The following MAP2K6 variants were observed in gnomAD, a reference collection of about 807,000 sequenced individuals.
MAP2K6 encodes the protein dual specificity mitogen-activated protein kinase kinase 6.
Under a neutral mutation model 53.7 loss-of-function variants are expected in MAP2K6, and 16 were observed. The ratio of observed to expected loss-of-function variants is 0.30; its 90% CI spans 0.20 to 0.45. The LOEUF is 0.45. MAP2K6 is among the 20% of genes least tolerant of loss of function. The probability of loss-of-function intolerance (pLI) is 1.00; values close to 1 mark genes in which losing one functional copy is unlikely to be tolerated. For synonymous variants in MAP2K6, 132 were observed against 143.1 expected (o/e 0.92, Z 0.55); for missense variants, 204 against 411.9 (o/e 0.50, Z 4.37).
intron 1 of MAP2K6, among the ~76,000 whole-genome samples, chr17:69,470,536 A>G (rs759846338): frequency 6.6e-6 from 1 of 152,190 alleles, no homozygotes; most frequent in Non-Finnish European, 1.5e-5. Flanking sequence ...GATGGGAGGG[A>G]CATGCCCCCT....
In MAP2K6 at chr17:69,478,197, C is replaced by A. The variant is rs543656385; in HGVS notation, c.17-27583C>A. Among the ~76,000 whole-genome samples the A allele has an allele frequency of 2.6e-5, 4 of 152,276 alleles. No individual in the cohort carries two copies. The South Asian group carries it at 8.3e-4, about 32-fold the overall frequency. On this transcript the variant is annotated intron_variant, in intron 1 of 11. Coordinates refer to ENST00000590474, the MANE Select transcript of MAP2K6 (RefSeq NM_002758.4). ...AGTTTGAATTATACTTGGTAGGCAG[C>A]CTAGAAGGAGCTATAGACAACTTCT...
chr17:69,517,634 A>G lies in MAP2K6; in HGVS notation c.246+21A>G, dbSNP rs142583436. The G allele has an allele frequency of 3.5e-4, 538 of 1,543,160 alleles. 3 individuals carry two copies. In the African/African-American group the frequency reaches 6.6e-3, roughly 19 times the overall value. ...TGAAGGTAGAGTTGACATTCTCCCA[A>G]ATGTTTTATATCTGCTGTGTATACA... On this transcript the variant is annotated intron_variant, in intron 4 of 11. Transcript: ENST00000590474.
chr17:69,498,195 A>C (rs1008499839), intron 1 of MAP2K6, among the ~76,000 whole-genome samples: 19 of 152,226 alleles, frequency 1.2e-4, no homozygotes, highest in Non-Finnish European at 1.5e-5. Context: ...AATTCTTACT[A>C]ATCAGAAAGA....
intron 1 of MAP2K6, among the ~76,000 whole-genome samples, chr17:69,492,022 A>G (rs1380619885): frequency 1.3e-5 from 2 of 152,130 alleles, no homozygotes; most frequent in Non-Finnish European, 2.9e-5. Context: ...TTTCTTGTAA[A>G]TGTGTTTAAG....
intron 1 of MAP2K6, among the ~76,000 whole-genome samples, chr17:69,447,261 G>C (rs1906999309): frequency 6.6e-6 from 1 of 152,024 alleles, no homozygotes; most frequent in Non-Finnish European, 1.5e-5. Flanking sequence ...TTACAGGTGT[G>C]AGCCACCACG....
chr17:69,501,508 AT>A (rs968911488), intron 1 of MAP2K6, among the ~76,000 whole-genome samples: 3 of 151,626 alleles, frequency 2.0e-5, no homozygotes, highest in Non-Finnish European at 4.4e-5. Flanking sequence ...GGCTTTTTAA[AT>A]TTTTTTTTCC....
intron 2 of MAP2K6, among the ~76,000 whole-genome samples, chr17:69,508,504 A>G (rs1464323784): frequency 1.3e-5 from 2 of 151,962 alleles, no homozygotes; most frequent in East Asian, 3.8e-4. Context: ...GATACTTTTT[A>G]TTGTTTACTT....
intron 1 of MAP2K6, among the ~76,000 whole-genome samples, chr17:69,504,902 T>C (rs1182317251): frequency 1.3e-5 from 2 of 152,196 alleles, no homozygotes; most frequent in Non-Finnish European, 2.9e-5. Flanking sequence ...TAAGTATTAC[T>C]CTATCCCTCT....
chr17:69,545,235 A>G lies in MAP2K6; in HGVS notation c.*3482A>G, dbSNP rs1230701403. Reference sequence around the variant, plus strand: ...ACCAGAATAAGTGTAATCTCCCAAAATGACTACTTTGAAGGAGATAGAACC... The same window carrying G: ...ACCAGAATAAGTGTAATCTCCCAAAGTGACTACTTTGAAGGAGATAGAACC... On this transcript the variant is annotated 3_prime_UTR_variant, in exon 12 of 12. Coordinates refer to ENST00000590474, the MANE Select transcript of MAP2K6 (RefSeq NM_002758.4). 1.3e-5 allele frequency: 2 copies of G among 152,094 alleles called. No homozygotes were observed. The highest frequency in any genetic ancestry group is 1.5e-5 in the Non-Finnish European group (1 of 68,026). The allele number at this position is 152,094 out of a possible 1,614,324, so 9.4% of individuals were successfully genotyped here. A position where few individuals can be genotyped will look rare whatever the true frequency, so the allele number is the denominator to read the frequency against.
intron 2 of MAP2K6, among the ~76,000 whole-genome samples, chr17:69,507,278 G>A (rs1304963413): frequency 6.6e-6 from 1 of 152,124 alleles, no homozygotes; most frequent in Admixed American, 6.6e-5. Flanking sequence ...GATCAAGAAT[G>A]TGGCAGTAGT....
intron 2 of MAP2K6, among the ~76,000 whole-genome samples, chr17:69,506,359 G>A (rs966689098): frequency 6.6e-6 from 1 of 151,386 alleles, no homozygotes; most frequent in African/African-American, 2.4e-5. Context: ...AAGTCCTAGT[G>A]AAGGACATCG....
intron 1 of MAP2K6, among the ~76,000 whole-genome samples, chr17:69,491,306 G>C (rs1458394975): frequency 1.3e-5 from 2 of 152,082 alleles, no homozygotes; most frequent in Admixed American, 1.3e-4. Context: ...ACCACGCCCG[G>C]CTAATTTTTG....
rs576036808 is a variant in MAP2K6 at position 69,448,125 on chromosome 17, C to T, written c.16+33125C>T. Among the ~76,000 whole-genome samples, 33 of 152,282 alleles carry T rather than the reference C, an allele frequency of 2.2e-4. No individual in the cohort carries two copies. In the South Asian group the frequency reaches 3.9e-3, roughly 18 times the overall value. On this transcript the variant is annotated intron_variant, in intron 1 of 11. Coordinates refer to ENST00000590474, the MANE Select transcript of MAP2K6 (RefSeq NM_002758.4). The stretch of plus-strand genomic sequence containing the variant: ...TGACAGACTCACCTAAATATTGTTA[C>T]AGCGTTTCCCTAATTTGTCTTGTTG...
At chr17:69,530,447 A>G (rs1259465355) in intron 10 of MAP2K6, among the ~76,000 whole-genome samples, 3 of 152,240 alleles carry the variant, frequency 2.0e-5, no homozygotes, top group Non-Finnish European at 4.4e-5. Flanking sequence ...TCAAAGTGTC[A>G]GTATTATAGT....
intron 1 of MAP2K6, among the ~76,000 whole-genome samples, chr17:69,464,680 T>G (rs1303766442): frequency 1.3e-5 from 2 of 151,784 alleles, no homozygotes; most frequent in African/African-American, 4.8e-5. Flanking sequence ...CCGCTACTTA[T>G]TTTTGTAAGA....
chr17:69,479,657 T>TC (rs1908279163), intron 1 of MAP2K6, among the ~76,000 whole-genome samples: 1 of 152,042 alleles, frequency 6.6e-6, no homozygotes, highest in Admixed American at 6.6e-5. Context: ...ATGTCACTGA[T>TC]TTTGCCTTAC....
chr17:69,466,590 CTT>C (rs1261134169), intron 1 of MAP2K6, among the ~76,000 whole-genome samples: 2 of 152,208 alleles, frequency 1.3e-5, no homozygotes, highest in Non-Finnish European at 2.9e-5. Flanking sequence ...CCGGGCAAGA[CTT>C]TGCATTCCAA....
intron 1 of MAP2K6, among the ~76,000 whole-genome samples, chr17:69,429,058 A>G (rs2145135040): frequency 6.6e-6 from 1 of 152,082 alleles, no homozygotes; most frequent in African/African-American, 2.4e-5. Context: ...ATGTACAGAT[A>G]CAGGGACAGG....
intron 11 of MAP2K6, among the ~76,000 whole-genome samples, chr17:69,541,413 C>A (rs191070231): frequency 6.6e-6 from 1 of 151,716 alleles, no homozygotes; most frequent in African/African-American, 2.4e-5. Context: ...ATGAGACTTA[C>A]GTAGCATAAT....
Sources: gnomAD v4.1 joint callset for allele counts (sites outside exome capture counted in the v4.1 genomes callset) on GRCh38, gnomAD v4.1.1 for gene constraint, MANE v1.5 for transcripts, NCBI Gene and HGNC (gene_info 2026-07-23, HGNC 2026-07-21) for gene names.